Variants in RBM43 observed in about 807,000 individuals in gnomAD.
RBM43 encodes RNA-binding protein 43.
A neutral mutation model predicts 12.4 loss-of-function variants in RBM43; 12 were observed. The ratio of observed to expected loss-of-function variants is 0.97; its 90% CI spans 0.62 to 1.57. RBM43 has a LOEUF of 1.57. Among genes scored for constraint, RBM43 ranks in the 40% most tolerant of loss-of-function variants. The pLI is 0.00. For missense variants in RBM43, 348 were observed against 400.1 expected (o/e 0.87, Z 1.11); for synonymous variants, 138 against 145.7 (o/e 0.95, Z 0.38).
chr2:151,253,389 C>T (rs905948994), intron 2 of RBM43, among the ~76,000 whole-genome samples: 1 of 152,174 alleles, frequency 6.6e-6, no homozygotes, highest in Non-Finnish European at 1.5e-5. Context: ...TCTTCAGCCT[C>T]GATCTTTCTC....
chr2:151,255,234 G>A (rs963092745), intron 2 of RBM43, among the ~76,000 whole-genome samples: 2 of 152,070 alleles, frequency 1.3e-5, no homozygotes, highest in Non-Finnish European at 2.9e-5. Flanking sequence ...GGCCAACATG[G>A]TGAAACTCTG....
Position 151,251,160 on chromosome 2 carries a change from T to G in RBM43, c.820A>C (p.Lys274Gln), listed in dbSNP as rs764673323. ...TCCTCAATGAGCTCTTTTACATGTT[T>G]TGCATTGTTTGGCTGAGAACCAACT... ...IQVGSQPNNA[K>Q]HVKELIEEWS... Residue 274 changes from lysine (K) to glutamine (Q), a missense_variant, in exon 4 of 4, where the codon AAA (lysine) becomes CAA (glutamine). Coordinates refer to ENST00000331426, the MANE Select transcript of RBM43 (RefSeq NM_198557.3). The G allele has an allele frequency of 9.9e-6, 16 of 1,614,082 alleles. No individual in the cohort carries two copies. Among genetic ancestry groups the G allele is most frequent in the Non-Finnish European group, 1.4e-5 (16 of 1,180,006 alleles).
intron 1 of RBM43, among the ~76,000 whole-genome samples, chr2:151,260,545 A>G (rs1269078506): frequency 6.6e-6 from 1 of 152,214 alleles, no homozygotes; most frequent in Non-Finnish European, 1.5e-5. Flanking sequence ...AAATCAAAGA[A>G]ACTTCTCCCT....
chr2:151,253,751 G>A (rs1682938349), intron 2 of RBM43, among the ~76,000 whole-genome samples: 1 of 152,074 alleles, frequency 6.6e-6, no homozygotes, highest in South Asian at 2.1e-4. Context: ...CAGTTACTGA[G>A]CATAAACTGG....
chr2:151,260,496 T>C (rs1683032569), intron 1 of RBM43, among the ~76,000 whole-genome samples: 1 of 152,204 alleles, frequency 6.6e-6, no homozygotes, highest in Non-Finnish European at 1.5e-5. Context: ...ACTAATACCA[T>C]ATTTCTTTAT....
chr2:151,254,472 T>A (rs1682947888), intron 2 of RBM43, among the ~76,000 whole-genome samples: 1 of 152,186 alleles, frequency 6.6e-6, no homozygotes, highest in South Asian at 2.1e-4. Context: ...TGGTGACAGC[T>A]AAAGGTACTG....
intron 1 of RBM43, among the ~76,000 whole-genome samples, chr2:151,257,333 A>C (rs113639778): frequency 0.042 from 5,837 of 140,442 alleles, 380 homozygotes; most frequent in African/African-American, 0.15. Context: ...CACACACACA[A>C]ACACACACAC....
Position 151,251,573 on chromosome 2 carries a change from A to AT in RBM43, c.406dup (p.Ile136AsnfsTer48), listed in dbSNP as rs142934811. 1,837 of 1,564,850 alleles carry AT rather than the reference A, an allele frequency of 1.2e-3. 2 individuals are homozygous for AT. The highest frequency in any genetic ancestry group is 1.1e-3 in the Non-Finnish European group (1,204 of 1,141,928). On this transcript the variant is annotated frameshift_variant, in exon 4 of 4. Transcript: ENST00000331426. LOFTEE classifies it low-confidence loss of function (END_TRUNC). Reference sequence around the variant, plus strand: ...CAAAGGACTGAAGCTTAAACTCGGGATTTTTTTTTTCAGGTCTTTTACCAG... The same window carrying AT: ...CAAAGGACTGAAGCTTAAACTCGGGATTTTTTTTTTTCAGGTCTTTTACCAG...
intron 3 of RBM43, 37 bp downstream of exon 3, chr2:151,252,718 A>C (rs1682919770): frequency 9.0e-7 from 1 of 1,113,102 alleles, no homozygotes; most frequent in Admixed American, 1.8e-5. Flanking sequence ...GAAATGGGAT[A>C]CAGGACTATC....
chr2:151,253,138 A>G (rs773347416), intron 2 of RBM43, among the ~76,000 whole-genome samples: 2 of 152,184 alleles, frequency 1.3e-5, no homozygotes, highest in Non-Finnish European at 2.9e-5. Flanking sequence ...AATTCTAGTC[A>G]CAAGAAGACT....
chr2:151,259,423 A>G (rs1306014098), intron 1 of RBM43, among the ~76,000 whole-genome samples: 1 of 152,132 alleles, frequency 6.6e-6, no homozygotes, highest in Non-Finnish European at 1.5e-5. Context: ...AGGTGGGCAG[A>G]TCACTTGAAG....
chr2:151,250,743 A>AATCCTAGTT lies in RBM43; in HGVS notation c.*154_*162dup. The AATCCTAGTT allele has an allele frequency of 1.8e-6, 1 of 543,802 alleles. No homozygotes were observed. The highest frequency in any genetic ancestry group is 3.2e-6 in the Non-Finnish European group (1 of 317,350). The allele number at this position is 543,802 out of a possible 1,614,324, so 33.7% of individuals were successfully genotyped here. ...TCAGAAAAGTGTTTTAACTTCTCCAAATCCTAGTTTCTTCCGCTGTAACAT... is the reference window on the plus strand; with the variant it reads ...TCAGAAAAGTGTTTTAACTTCTCCAAATCCTAGTTATCCTAGTTTCTTCCGCTGTAACAT... On this transcript the variant is annotated 3_prime_UTR_variant, in exon 4 of 4. Transcript: ENST00000331426.
chr2:151,261,610 C>T, intron 1 of RBM43, 115 bp downstream of exon 1: 4 of 1,539,122 alleles, frequency 2.6e-6, no homozygotes, highest in Non-Finnish European at 1.8e-6. Flanking sequence ...GCCGCCCCCT[C>T]CCGCGCAGCC....
Position 151,252,794 on chromosome 2 carries a change from T to G in RBM43, c.276A>C (p.Glu92Asp). 6.2e-7 allele frequency: 1 copy of G among 1,611,664 alleles called. No homozygotes were observed. Among genetic ancestry groups the G allele is most frequent in the Non-Finnish European group, 8.5e-7 (1 of 1,177,906 alleles). The part of the protein sequence containing the change: ...HWLARKTRHA[E>D]LTVSLRVSHF... ...GAGAGACTCTGAGAGAGACTGTGAG[T>G]TCAGCATGTCTAGTCTTCCTTGCTA... Residue 92 changes from glutamate (E) to aspartate (D), a missense_variant, in exon 3 of 4, where the codon GAA (glutamate) becomes GAC (aspartate). Glu to Asp is a conservative substitution (Grantham distance 45). Coordinates refer to ENST00000331426, the MANE Select transcript of RBM43 (RefSeq NM_198557.3).
Position 151,251,372 on chromosome 2 carries a change from A to G in RBM43, c.608T>C (p.Leu203Ser). 2 of 1,614,204 alleles carry G rather than the reference A, an allele frequency of 1.2e-6. No individual in the cohort carries two copies. The highest frequency in any genetic ancestry group is 1.7e-6 in the Non-Finnish European group (2 of 1,180,004). Residue 203 changes from leucine (L) to serine (S), a missense_variant, in exon 4 of 4, where the codon TTG becomes TCG. Transcript: ENST00000331426. The stretch of plus-strand genomic sequence containing the variant: ...AGGTACTAAGGTCCTGACTGATGCC[A>G]AAGAGTTATTACTTCTCTGTAGATT... ...QRNLQRSNNS[L>S]ASVRTLVPET...
At chr2:151,253,390 G>T (rs1361539878) in intron 2 of RBM43, among the ~76,000 whole-genome samples, 1 of 152,060 alleles carries the variant, frequency 6.6e-6, no homozygotes, top group Non-Finnish European at 1.5e-5. Context: ...CTTCAGCCTC[G>T]ATCTTTCTCC....
chr2:151,259,957 C>G (rs1683025961), intron 1 of RBM43, among the ~76,000 whole-genome samples: 1 of 151,906 alleles, frequency 6.6e-6, no homozygotes, highest in Admixed American at 6.6e-5. Flanking sequence ...CCTCCACCTC[C>G]CGGGTTCAAG....
Position 151,251,356 on chromosome 2 carries a change from G to C in RBM43, c.624C>G (p.Thr208=). ...RSNNSLASVR[T]LVPETARSGE... ...CACTTCTAGCAGTCTCAGGTACTAA[G>C]GTCCTGACTGATGCCAAAGAGTTAT... The change falls in exon 4 of 4, where the codon ACC becomes ACG. Residue 208 remains threonine (T), a synonymous_variant. Transcript: ENST00000331426. 1 of 1,614,142 alleles carries C rather than the reference G, an allele frequency of 6.2e-7. No homozygotes were observed. Among genetic ancestry groups the C allele is most frequent in the Non-Finnish European group, 8.5e-7 (1 of 1,179,992 alleles).
rs1466539714 is a variant in RBM43, at chr2:151,248,510, A to G, written c.*2396T>C. 6.6e-6 allele frequency: 1 copy of G among 152,222 alleles called. No individual in the cohort carries two copies. Among genetic ancestry groups the G allele is most frequent in the Non-Finnish European group, 1.5e-5 (1 of 68,042 alleles). 9.4% of individuals were successfully genotyped at this position (152,222 alleles called of 1,614,324 possible). On this transcript the variant is annotated 3_prime_UTR_variant, in exon 4 of 4. Coordinates refer to ENST00000331426, the MANE Select transcript of RBM43 (RefSeq NM_198557.3). The stretch of plus-strand genomic sequence containing the variant: ...AGAAAGTTTCAGCCACCTTTGAGAC[A>G]GTATTTTTTAACAAGGCAATATTTG...
Sources: allele counts gnomAD v4.1 joint callset (sites outside exome capture counted in the v4.1 genomes callset), GRCh38; gene constraint gnomAD v4.1.1; transcripts MANE v1.5; gene names NCBI Gene and HGNC (gene_info 2026-07-23, HGNC 2026-07-21).